The following ADK variants were observed in gnomAD, a reference collection of about 807,000 sequenced individuals.
ADK encodes N6,N6-dimethyladenosine kinase.
In ADK, 24 loss-of-function variants were observed where a neutral mutation model predicts 44.7. The ratio of observed to expected loss-of-function variants is 0.54; its 90% CI spans 0.39 to 0.76. The LOEUF (loss-of-function observed/expected upper bound fraction) is 0.76. Among genes scored for constraint, ADK ranks in the 30% least tolerant of loss-of-function variants. The probability of loss-of-function intolerance (pLI) is 0.00; values close to 1 mark genes in which losing one functional copy is unlikely to be tolerated. For missense variants in ADK, 321 were observed against 425.1 expected (o/e 0.76, Z 2.15); for synonymous variants, 128 against 142.6 (o/e 0.90, Z 0.73).
At chr10:74,637,819 A>G (rs1214322020) in intron 9 of ADK, among the ~76,000 whole-genome samples, 5 of 152,224 alleles carry the variant, frequency 3.3e-5, no homozygotes, top group African/African-American at 1.2e-4. Context: ...GAGGGCAGGA[A>G]GGGGTGGGAC....
intron 2 of ADK, among the ~76,000 whole-genome samples, 160 bp downstream of exon 2, chr10:74,200,998 A>G (rs555599840): frequency 6.6e-6 from 1 of 152,354 alleles, no homozygotes; most frequent in East Asian, 1.9e-4. Context: ...TAACTATTGA[A>G]TAACTGAGTA....
chr10:74,463,513 A>G (rs1338832153), intron 6 of ADK, among the ~76,000 whole-genome samples: 1 of 152,180 alleles, frequency 6.6e-6, no homozygotes, highest in Admixed American at 6.5e-5. Flanking sequence ...GTTATCTGAC[A>G]GGAGGTGGAG....
chr10:74,606,542 G>A (rs992183779), intron 9 of ADK, among the ~76,000 whole-genome samples: 1 of 152,200 alleles, frequency 6.6e-6, no homozygotes, highest in African/African-American at 2.4e-5. Context: ...CAGTTGTGTG[G>A]TTCTGAGTGA....
chr10:74,698,082 T>C (rs1230708395), intron 10 of ADK, among the ~76,000 whole-genome samples: 2 of 152,240 alleles, frequency 1.3e-5, no homozygotes, highest in South Asian at 2.1e-4. Flanking sequence ...CAGCTAACAA[T>C]AGCTCTAGGA....
chr10:74,217,370 C>G (rs1278984309), intron 2 of ADK, among the ~76,000 whole-genome samples: 1 of 152,260 alleles, frequency 6.6e-6, no homozygotes, highest in East Asian at 1.9e-4. Flanking sequence ...AGCCGGGAAG[C>G]TCCAACTGGG....
At chr10:74,223,682 A>G (rs1047655234) in intron 2 of ADK, among the ~76,000 whole-genome samples, 1 of 152,062 alleles carries the variant, frequency 6.6e-6, no homozygotes, top group African/African-American at 2.4e-5. Flanking sequence ...ACTGTGAAAG[A>G]TCCCTGATCT....
At position 74,151,353 on chromosome 10, in the gene ADK, G is replaced by C; in HGVS notation, c.65+10G>C. 1 of 1,549,516 alleles carries C rather than the reference G, an allele frequency of 6.5e-7. No homozygotes were observed. Among genetic ancestry groups the C allele is most frequent in the South Asian group, 1.2e-5 (1 of 83,976 alleles). On this transcript the variant is annotated intron_variant, in intron 1 of 10. Coordinates refer to ENST00000539909, the MANE Select transcript of ADK (RefSeq NM_006721.4). ...CGCCGCAAGCGCTGAGGTGAGCGCT[G>C]CCGGACTTGGGGAGGAGGGTGACGG...
intron 1 of ADK, among the ~76,000 whole-genome samples, chr10:74,173,438 T>G (rs1309508666): frequency 6.7e-6 from 1 of 149,542 alleles, no homozygotes; most frequent in Non-Finnish European, 1.5e-5. Context: ...TTTCTTTTTT[T>G]TTTTCTTTTG....
intron 3 of ADK, among the ~76,000 whole-genome samples, chr10:74,228,318 A>C (rs904060558): frequency 3.3e-5 from 5 of 152,200 alleles, no homozygotes; most frequent in Admixed American, 6.5e-5. Context: ...GATGATTTTA[A>C]GTAGAGAAAG....
At chr10:74,308,874 T>C (rs1430025955) in intron 3 of ADK, among the ~76,000 whole-genome samples, 1 of 152,120 alleles carries the variant, frequency 6.6e-6, no homozygotes, top group Non-Finnish European at 1.5e-5. Context: ...TCTCTCTCTC[T>C]CCTTCCCTCC....
chr10:74,704,570 T>G (rs1385754856), intron 10 of ADK, among the ~76,000 whole-genome samples: 1 of 152,224 alleles, frequency 6.6e-6, no homozygotes, highest in Non-Finnish European at 1.5e-5. Flanking sequence ...AAACTGACAT[T>G]CACCTTGGGC....
At chr10:74,305,178 A>C (rs893543948) in intron 3 of ADK, among the ~76,000 whole-genome samples, 1 of 152,202 alleles carries the variant, frequency 6.6e-6, no homozygotes, top group African/African-American at 2.4e-5. Context: ...TGTTCAGTAC[A>C]TATTTTTCCA....
At chr10:74,333,900 TTTTG>T (rs1030106888) in intron 4 of ADK, among the ~76,000 whole-genome samples, 22 of 152,086 alleles carry the variant, frequency 1.4e-4, no homozygotes, top group Non-Finnish European at 2.8e-4. Context: ...CTGGGTATAT[TTTTG>T]TTTTTTTAAG....
At chr10:74,532,960 G>A (rs549552440) in intron 7 of ADK, among the ~76,000 whole-genome samples, 3 of 147,242 alleles carry the variant, frequency 2.0e-5, no homozygotes, top group Admixed American at 1.4e-4. Flanking sequence ...ACTAAGTGAC[G>A]TAGCAAGATT....
At chr10:74,342,779 TTGTGTGTG>T (rs757212421) in intron 4 of ADK, among the ~76,000 whole-genome samples, 26 of 141,424 alleles carry the variant, frequency 1.8e-4, no homozygotes, top group African/African-American at 4.8e-4. Flanking sequence ...CTAGCTCAGT[TTGTGTGTG>T]TGTGTGTGTG....
chr10:74,547,734 C>G (rs1273991077), intron 7 of ADK, among the ~76,000 whole-genome samples: 1 of 152,086 alleles, frequency 6.6e-6, no homozygotes, highest in Non-Finnish European at 1.5e-5. Flanking sequence ...TCTTGGCCCA[C>G]CACAACCTCC....
At chr10:74,691,014 C>G (rs1471296963) in intron 10 of ADK, among the ~76,000 whole-genome samples, 1 of 152,172 alleles carries the variant, frequency 6.6e-6, no homozygotes, top group Non-Finnish European at 1.5e-5. Flanking sequence ...TATAATTTAT[C>G]TTATTCCCTT....
At chr10:74,562,338 G>GA (rs1425571306) in intron 7 of ADK, among the ~76,000 whole-genome samples, 1 of 152,162 alleles carries the variant, frequency 6.6e-6, no homozygotes. Context: ...TATGGGGAAG[G>GA]AAAGAGATGA....
At chr10:74,704,851 T>C (rs1326901595) in intron 10 of ADK, among the ~76,000 whole-genome samples, 1 of 152,240 alleles carries the variant, frequency 6.6e-6, no homozygotes, top group Non-Finnish European at 1.5e-5. Flanking sequence ...CTCCATTCAC[T>C]GTGTGGACTG....
Sources: allele counts gnomAD v4.1 joint callset (sites outside exome capture counted in the v4.1 genomes callset), GRCh38; gene constraint gnomAD v4.1.1; transcripts MANE v1.5; gene names NCBI Gene and HGNC (gene_info 2026-07-23, HGNC 2026-07-21).